The following FADS3 variants were observed in gnomAD, a reference collection of about 807,000 sequenced individuals.
FADS3 encodes fatty acid desaturase 3, also known as cytochrome b5-related protein.
In FADS3, 30 loss-of-function variants were observed where a neutral mutation model predicts 60.4. The ratio of observed to expected loss-of-function variants is 0.50; its 90% CI spans 0.37 to 0.67. The LOEUF (loss-of-function observed/expected upper bound fraction) is 0.67. Ranked by LOEUF, FADS3 falls within the 30% of genes least tolerant of loss-of-function variation. The pLI is 0.00. For synonymous variants in FADS3, 234 were observed against 249.3 expected, an observed-to-expected ratio of 0.94 and a Z score of 0.58; for missense variants, 432 against 598.3, an observed-to-expected ratio of 0.72 and a Z score of 2.90.
In FADS3 at chr11:61,876,754, G is replaced by C. The variant is rs1301250192; in HGVS notation, c.983+112C>G. The C allele has an allele frequency of 1.1e-6, 1 of 894,084 alleles. No homozygotes were observed. Among genetic ancestry groups the C allele is most frequent in the Non-Finnish European group, 1.8e-6 (1 of 553,350 alleles). 55.4% of individuals were successfully genotyped at this position (894,084 alleles called of 1,614,324 possible). A position where few individuals can be genotyped will look rare whatever the true frequency, so the allele number is the denominator to read the frequency against. On this transcript the variant is annotated intron_variant, in intron 8 of 11. Transcript: ENST00000278829. This position sits in a 1 kb window ranked among gnomAD's most constrained non-coding sequence, Gnocchi z 5.7. ...TTATGTGATTCCACCAGCAAGCCAG[G>C]GAGGCAGTACCACTGGCCCCATTCT...
At chr11:61,879,932 C>T (rs1938065032) in intron 2 of FADS3, 109 bp downstream of exon 2, 10 of 863,980 alleles carry the variant, frequency 1.2e-5, no homozygotes, top group East Asian at 5.3e-5. Context: ...CTCTGCATCC[C>T]CTTGGGCGAA....
Position 61,891,349 on chromosome 11 carries a change from C to T in FADS3, c.33G>A (p.Glu11=). Residue 11 remains glutamate, a synonymous_variant, in exon 1 of 12, where the codon GAG becomes GAA. Transcript: ENST00000278829. ...GCGGCGCCCCCGGCTGCGCGGGTCC[C>T]TCCCGCGGTCCCGGCTCCCCGACGC... The part of the protein sequence containing the change: MGGVGEPGPR[E]GPAQPGAPLP... 1 of 1,499,056 alleles carries T rather than the reference C, an allele frequency of 6.7e-7. No individual in the cohort carries two copies. The highest frequency in any genetic ancestry group is 8.9e-7 in the Non-Finnish European group (1 of 1,128,674). The allele number at this position is 1,499,056 out of a possible 1,614,324, so 92.9% of individuals were successfully genotyped here.
chr11:61,887,631 C>T (rs1938361121), intron 1 of FADS3, among the ~76,000 whole-genome samples: 1 of 152,238 alleles, frequency 6.6e-6, no homozygotes, highest in South Asian at 2.1e-4. Context: ...GACGCACGGT[C>T]CCACCTCTGA....
At chr11:61,874,743 C>T (rs985236365) in intron 11 of FADS3, among the ~76,000 whole-genome samples, 1 of 152,174 alleles carries the variant, frequency 6.6e-6, no homozygotes, top group African/African-American at 2.4e-5. Context: ...CCTCCCTGTC[C>T]CTGCTCACAC....
chr11:61,879,649 G>A lies in FADS3; in HGVS notation c.325-140C>T, dbSNP rs986247630. 6.4e-5 allele frequency: 53 copies of A among 824,724 alleles called. No individual in the cohort carries two copies. The African/African-American group carries it at 7.1e-4, about 11-fold the overall frequency. The allele number at this position is 824,724 out of a possible 1,614,324, so 51.1% of individuals were successfully genotyped here. A position where few individuals can be genotyped will look rare whatever the true frequency, so the allele number is the denominator to read the frequency against. On this transcript the variant is annotated intron_variant, in intron 2 of 11. Transcript: ENST00000278829. ...ATGAAGTGACAAGAGTACCCAGCCC[G>A]GGGTGTGAGCTGGAGCACTGGCTGG...
In FADS3 at chr11:61,891,286, G is replaced by T. The variant is rs3741256; in HGVS notation, c.96C>A (p.Asp32Glu). The change falls in exon 1 of 12, where the codon GAC (aspartate) becomes GAA (glutamate). Residue 32 changes from aspartate to glutamate, a missense_variant. By Grantham distance (45) the Asp-to-Glu change is conservative (BLOSUM62 2). Transcript: ENST00000278829. ...TFCWEQIRAH[D>E]QPGDKWLVIE... Reference sequence around the variant, plus strand: ...TGACCAGCCACTTGTCGCCGGGCTGGTCGTGCGCGCGGATCTGCTCCCAGC... The same window carrying T: ...TGACCAGCCACTTGTCGCCGGGCTGTTCGTGCGCGCGGATCTGCTCCCAGC... 6.5e-7 allele frequency: 1 copy of T among 1,536,530 alleles called. No individual in the cohort carries two copies.
Position 61,873,760 on chromosome 11 carries a change from G to A in FADS3, c.*54C>T. The A allele has an allele frequency of 2.8e-6, 4 of 1,420,148 alleles. No homozygotes were observed. Among genetic ancestry groups the A allele is most frequent in the South Asian group, 1.2e-5 (1 of 83,870 alleles). The allele number at this position is 1,420,148 out of a possible 1,614,324, so 88.0% of individuals were successfully genotyped here. A position where few individuals can be genotyped will look rare whatever the true frequency, so the allele number is the denominator to read the frequency against. ...GGTGAGGGTATCGATCCCGCCGGGGGCTGGCTTGGTTGCTGGTGCCCTGAG... is the reference window on the plus strand; with the variant it reads ...GGTGAGGGTATCGATCCCGCCGGGGACTGGCTTGGTTGCTGGTGCCCTGAG... On this transcript the variant is annotated 3_prime_UTR_variant, in exon 12 of 12. Coordinates refer to ENST00000278829, the MANE Select transcript of FADS3 (RefSeq NM_021727.5).
chr11:61,876,220 G>C lies in FADS3; in HGVS notation c.1081-30C>G, dbSNP rs1388017422. 8.8e-6 allele frequency: 14 copies of C among 1,584,070 alleles called. No homozygotes were observed. The highest frequency in any genetic ancestry group is 1.2e-5 in the Non-Finnish European group (14 of 1,165,656). On this transcript the variant is annotated intron_variant, in intron 9 of 11. Coordinates refer to ENST00000278829, the MANE Select transcript of FADS3 (RefSeq NM_021727.5). This position sits in a 1 kb window ranked among gnomAD's most constrained non-coding sequence, Gnocchi z 5.7. ...CGGAAGCCGGCGGGGCACATGTGAGGAGGCCGTTGCAGATCCCTGACCCCA... is the reference window on the plus strand; with the variant it reads ...CGGAAGCCGGCGGGGCACATGTGAGCAGGCCGTTGCAGATCCCTGACCCCA...
At chr11:61,885,289 C>T (rs1938275544) in intron 1 of FADS3, among the ~76,000 whole-genome samples, 1 of 152,194 alleles carries the variant, frequency 6.6e-6, no homozygotes, top group African/African-American at 2.4e-5. Flanking sequence ...AGCTGCTATC[C>T]AGGAGCCAGG....
intron 11 of FADS3, among the ~76,000 whole-genome samples, chr11:61,874,125 A>G (rs1241687112): frequency 6.6e-6 from 1 of 152,202 alleles, no homozygotes; most frequent in African/African-American, 2.4e-5. Context: ...TCCAGGCATG[A>G]GCCTGGGTGG....
chr11:61,880,229 A>G, intron 1 of FADS3, 78 bp from the exon 2 acceptor site: 1 of 1,178,142 alleles, frequency 8.5e-7, no homozygotes, highest in Middle Eastern at 1.9e-4. Flanking sequence ...GACAGGCGGA[A>G]GGACTACGGA....
intron 1 of FADS3, among the ~76,000 whole-genome samples, chr11:61,886,506 A>G (rs918760754): frequency 1.5e-4 from 23 of 152,108 alleles, no homozygotes; most frequent in African/African-American, 1.2e-4. Context: ...AAGGCAGTCA[A>G]TGTGGTAGGA....
Position 61,876,203 on chromosome 11 carries a change from G to A in FADS3, c.1081-13C>T, listed in dbSNP as rs1195820990. On this transcript the variant is annotated splice_polypyrimidine_tract_variant and intron_variant, in intron 9 of 11. Transcript: ENST00000278829. This position sits in a 1 kb window ranked among gnomAD's most constrained non-coding sequence, Gnocchi z 5.7. ...AGGTGGCTGCCAGCTGCCGGAAGCC[G>A]GCGGGGCACATGTGAGGAGGCCGTT... is the stretch of plus-strand genomic sequence containing the variant. The A allele has an allele frequency of 2.3e-5, 37 of 1,591,800 alleles. No homozygotes were observed. Among genetic ancestry groups the A allele is most frequent in the African/African-American group, 1.1e-4 (8 of 74,486 alleles).
intron 1 of FADS3, among the ~76,000 whole-genome samples, chr11:61,889,949 G>C (rs530417493): frequency 6.6e-6 from 1 of 152,146 alleles, no homozygotes; most frequent in Non-Finnish European, 1.5e-5. Flanking sequence ...GGGAGAAGCC[G>C]TGCCCCTCAC....
intron 1 of FADS3, among the ~76,000 whole-genome samples, chr11:61,885,016 G>A (rs1479708038): frequency 6.6e-6 from 1 of 152,130 alleles, no homozygotes; most frequent in Non-Finnish European, 1.5e-5. Context: ...TGCTGGTGAG[G>A]AAATGAAGGC....
In FADS3 at chr11:61,877,632, C is replaced by G. The variant is rs1024062620; in HGVS notation, c.809-45G>C. ...AGTGTTCAGGAGTGGGGCTGGGCTG[C>G]CAAGGTGAGTGGGCGCCAGAGTGAG... On this transcript the variant is annotated intron_variant, in intron 6 of 11. Coordinates refer to ENST00000278829, the MANE Select transcript of FADS3 (RefSeq NM_021727.5). This position sits in a 1 kb window ranked among gnomAD's most constrained non-coding sequence, Gnocchi z 4.7. 1 of 1,582,170 alleles carries G rather than the reference C, an allele frequency of 6.3e-7. No homozygotes were observed. Among genetic ancestry groups the G allele is most frequent in the Non-Finnish European group, 8.6e-7 (1 of 1,156,560 alleles).
At position 61,878,499 on chromosome 11, in the gene FADS3, CCTCCCCACCCACCTCGACGGATGA is replaced by C; in HGVS notation, c.736_747+12del. On this transcript the variant is annotated splice_donor_variant and splice_donor_5th_base_variant and coding_sequence_variant and intron_variant, in exon 5 of 12. Transcript: ENST00000278829. LOFTEE classifies it high-confidence loss of function. The stretch of plus-strand genomic sequence containing the variant: ...GGCCCAGCCAGAGGTTGTCCACGTC[CCTCCCCACCCACCTCGACGGATGA>C]CTCCCCCAGGAGGAAGACGGGCGCC... 6.2e-7 allele frequency: 1 copy of C among 1,612,450 alleles called. No homozygotes were observed. Among genetic ancestry groups the C allele is most frequent in the Non-Finnish European group, 8.5e-7 (1 of 1,179,074 alleles).
At chr11:61,891,087 C>A in intron 1 of FADS3, 82 bp downstream of exon 1, 1 of 1,225,400 alleles carries the variant, frequency 8.2e-7, no homozygotes, top group Admixed American at 2.0e-5. Context: ...GCTAAGGCCC[C>A]ACAGGTGGAG....
chr11:61,879,346 C>A lies in FADS3; in HGVS notation c.488G>T (p.Ser163Ile), dbSNP rs1024596887. The A allele has an allele frequency of 7.7e-6, 12 of 1,558,144 alleles. No homozygotes were observed. Among genetic ancestry groups the A allele is most frequent in the Non-Finnish European group, 9.6e-6 (11 of 1,150,874 alleles). Residue 163 changes from serine to isoleucine, a missense_variant, in exon 3 of 12, where the codon AGT (serine) becomes ATT (isoleucine). Ser to Ile is a moderately radical substitution (Grantham distance 142). Transcript: ENST00000278829. ...IYLLGPGWVP[S>I]ALAAFILAIS... ...GGCCAGGATGAAGGCGGCCAGGGCA[C>A]TGGGCACCCAGCCAGGACCCAGGAG...
Sources: gnomAD v4.1 joint callset for allele counts (sites outside exome capture counted in the v4.1 genomes callset) on GRCh38, gnomAD v4.1.1 for gene constraint, Gnocchi (gnomAD v3.1) non-coding constraint, MANE v1.5 for transcripts, NCBI Gene and HGNC (gene_info 2026-07-23, HGNC 2026-07-21) for gene names.